The following DLGAP1 variants were observed in gnomAD, a reference collection of about 807,000 sequenced individuals.
DLGAP1 encodes the protein disks large-associated protein 1.
DLGAP1 carries 11 observed loss-of-function variants against 90.8 expected under a neutral mutation model. The ratio of observed to expected loss-of-function variants is 0.12; its 90% CI spans 0.08 to 0.20. The LOEUF is 0.20. Ranked by LOEUF, DLGAP1 falls within the 10% of genes least tolerant of loss-of-function variation. DLGAP1 has a pLI of 1.00. For missense variants in DLGAP1, 1,050 were observed against 1,333.8 expected, an observed-to-expected ratio of 0.79 and a Z score of 3.31; for synonymous variants, 558 against 540.7, an observed-to-expected ratio of 1.03 and a Z score of -0.44.
intron 2 of DLGAP1, among the ~76,000 whole-genome samples, chr18:4,067,835 C>T (rs1479260415): frequency 1.3e-5 from 2 of 151,936 alleles, no homozygotes; most frequent in Admixed American, 6.6e-5. Flanking sequence ...CTTTCCTGAC[C>T]GAATCAATGT....
At chr18:3,941,657 T>A (rs1204576604) in intron 3 of DLGAP1, among the ~76,000 whole-genome samples, 1 of 152,182 alleles carries the variant, frequency 6.6e-6, no homozygotes, top group Admixed American at 6.5e-5. Flanking sequence ...AACTTAATAT[T>A]TTTTGTAATA....
intron 3 of DLGAP1, among the ~76,000 whole-genome samples, chr18:3,958,418 A>C (rs1163983592): frequency 8.1e-5 from 12 of 148,606 alleles, no homozygotes; most frequent in Admixed American, 4.8e-4. Flanking sequence ...GACAGCTGGG[A>C]CTTCAATACT....
chr18:4,086,372 G>A (rs544605559), intron 2 of DLGAP1, among the ~76,000 whole-genome samples: 87 of 152,198 alleles, frequency 5.7e-4, no homozygotes, highest in Non-Finnish European at 1.0e-3. Flanking sequence ...AAATAAAAAC[G>A]GCATTATTAC....
At chr18:4,334,659 A>G (rs927224037) in intron 1 of DLGAP1, among the ~76,000 whole-genome samples, 2 of 151,898 alleles carry the variant, frequency 1.3e-5, no homozygotes, top group African/African-American at 4.9e-5. Context: ...CACAAAATGC[A>G]AGAGAGAGGA....
At chr18:3,758,108 A>AG (rs1224612307) in intron 5 of DLGAP1, among the ~76,000 whole-genome samples, 1,470 of 141,648 alleles carry the variant, frequency 0.01, 35 homozygotes, top group African/African-American at 0.038. Flanking sequence ...CTCTATCTTG[A>AG]GAAAAAAAAA....
At chr18:3,779,941 C>T (rs9949816) in intron 5 of DLGAP1, among the ~76,000 whole-genome samples, 2,050 of 152,114 alleles carry the variant, frequency 0.013, 52 homozygotes, top group African/African-American at 0.045. Context: ...CACGCCACCA[C>T]GTCCAGCTAA....
intron 3 of DLGAP1, among the ~76,000 whole-genome samples, chr18:3,982,385 CT>C (rs35348966): frequency 0.43 from 65,825 of 151,550 alleles, 14,419 homozygotes; most frequent in African/African-American, 0.46. Flanking sequence ...AATACACACA[CT>C]TGTGCTCCAT....
chr18:4,302,742 T>C (rs1037532298), intron 1 of DLGAP1, among the ~76,000 whole-genome samples: 3 of 152,166 alleles, frequency 2.0e-5, no homozygotes, highest in Non-Finnish European at 4.4e-5. Flanking sequence ...ACTTTTCTAA[T>C]TTCTATGAAA....
intron 1 of DLGAP1, among the ~76,000 whole-genome samples, chr18:4,297,346 C>T (rs751221479): frequency 4.6e-5 from 7 of 152,026 alleles, no homozygotes; most frequent in Middle Eastern, 3.2e-3. Context: ...GTGCCTAAGA[C>T]GCTCCATGCC....
intron 7 of DLGAP1, among the ~76,000 whole-genome samples, chr18:3,683,851 T>C (rs1286816101): frequency 6.6e-6 from 1 of 152,128 alleles, no homozygotes; most frequent in Non-Finnish European, 1.5e-5. Flanking sequence ...TAGAGGTATG[T>C]TTTTTGGGAA....
chr18:4,119,438 T>G (rs1053633740), intron 2 of DLGAP1, among the ~76,000 whole-genome samples: 2 of 152,172 alleles, frequency 1.3e-5, no homozygotes, highest in Admixed American at 1.3e-4. Context: ...ATTAGTGCAC[T>G]GCAGGACAGA....
intron 1 of DLGAP1, among the ~76,000 whole-genome samples, chr18:4,372,513 A>G (rs2081937326): frequency 6.6e-6 from 1 of 152,236 alleles, no homozygotes; most frequent in Non-Finnish European, 1.5e-5. Flanking sequence ...ACTACTCCTG[A>G]CTGGAAGTCC....
intron 6 of DLGAP1, among the ~76,000 whole-genome samples, chr18:3,741,156 CCACCAT>C (rs2062969131): frequency 6.2e-5 from 7 of 112,480 alleles, no homozygotes; most frequent in African/African-American, 2.2e-4. Context: ...ACCATCACCA[CCACCAT>C]CACCACCACA....
rs1224180761 is a variant in DLGAP1 at position 3,581,755 on chromosome 18, G to A, written c.1965+120C>T. The A allele has an allele frequency of 6.3e-6, 8 of 1,278,742 alleles. No homozygotes were observed. The East Asian group carries it at 7.0e-5, about 11-fold the overall frequency. The allele number at this position is 1,278,742 out of a possible 1,614,324, so 79.2% of individuals were successfully genotyped here. On this transcript the variant is annotated intron_variant, in intron 8 of 12. Transcript: ENST00000315677. ...CCACAGCCAATCACTTGAAAATCTG[G>A]TCCTATGCATAGATCTATGATTCCA...
intron 10 of DLGAP1, among the ~76,000 whole-genome samples, chr18:3,530,935 G>T (rs534425432): frequency 1.3e-5 from 2 of 152,316 alleles, no homozygotes; most frequent in African/African-American, 4.8e-5. Flanking sequence ...TTTGACAGGG[G>T]TCAGGCAGGA....
intron 5 of DLGAP1, among the ~76,000 whole-genome samples, chr18:3,782,808 C>A (rs67443000): frequency 0.064 from 9,674 of 152,118 alleles, 395 homozygotes; most frequent in South Asian, 0.15. Flanking sequence ...AAATGTTGGA[C>A]TTCACCAAAA....
intron 2 of DLGAP1, among the ~76,000 whole-genome samples, chr18:4,052,164 C>T (rs571426219): frequency 6.6e-6 from 1 of 152,274 alleles, no homozygotes; most frequent in African/African-American, 2.4e-5. Flanking sequence ...AGGATGGTGG[C>T]CTTCTTCTCA....
intron 2 of DLGAP1, among the ~76,000 whole-genome samples, chr18:4,013,115 T>G (rs2074457432): frequency 6.6e-6 from 1 of 152,234 alleles, no homozygotes; most frequent in Non-Finnish European, 1.5e-5. Context: ...AAAAAATTCT[T>G]TCTGTTTCCA....
In DLGAP1 at chr18:4,141,952, T is replaced by G. The variant is rs1463446484; in HGVS notation, c.-159+9228A>C. The stretch of plus-strand genomic sequence containing the variant: ...CTGTTTGAAAGGTCACATATCTCTG[T>G]ATCTCTAGGATTGGTCCCTGGTGAC... On this transcript the variant is annotated intron_variant, in intron 2 of 12. Transcript: ENST00000315677. Among the ~76,000 whole-genome samples, 7 of 152,252 alleles carry G rather than the reference T, an allele frequency of 4.6e-5. No individual in the cohort carries two copies. In the East Asian group the frequency reaches 1.4e-3, roughly 30 times the overall value.
Sources: gnomAD v4.1 joint callset for allele counts (sites outside exome capture counted in the v4.1 genomes callset) on GRCh38, gnomAD v4.1.1 for gene constraint, MANE v1.5 for transcripts, NCBI Gene and HGNC (gene_info 2026-07-23, HGNC 2026-07-21) for gene names.